Variants in CEP41 observed in about 807,000 individuals in gnomAD.
CEP41 encodes centrosomal protein of 41 kDa.
CEP41 carries 32 observed loss-of-function variants against 44.3 expected under a neutral mutation model. The observed-to-expected ratio is 0.72, with a 90% CI of 0.54 to 0.97. The LOEUF is 0.97. Ranked by LOEUF, CEP41 falls within the 50% of genes least tolerant of loss-of-function variation. The pLI, the probability that CEP41 is intolerant of heterozygous loss-of-function variation, is 0.00. For missense variants in CEP41, 432 were observed against 455.2 expected (o/e 0.95, Z 0.46); for synonymous variants, 151 against 168.5 (o/e 0.90, Z 0.80).
chr7:130,396,011 C>T lies in CEP41; in HGVS notation c.*2880G>A. ...TTTTGTTTTCAAATAAGTAATGTAG[C>T]TTTCTCCTTTCTCTCTCGCTTTCTG... is the stretch of plus-strand genomic sequence containing the variant. On this transcript the variant is annotated 3_prime_UTR_variant, in exon 11 of 11. Transcript: ENST00000223208. 1 of 453,786 alleles carries T rather than the reference C, an allele frequency of 2.2e-6. No homozygotes were observed. Among genetic ancestry groups the T allele is most frequent in the South Asian group, 1.6e-5 (1 of 64,452 alleles). The allele number at this position is 453,786 out of a possible 1,614,324, so 28.1% of individuals were successfully genotyped here. A position where few individuals can be genotyped will look rare whatever the true frequency, so the allele number is the denominator to read the frequency against.
chr7:130,404,504 T>C lies in CEP41; in HGVS notation c.422+60A>G, dbSNP rs1165383866. On this transcript the variant is annotated intron_variant, in intron 6 of 10. Transcript: ENST00000223208. ...CAAGAAAAAAAAAAGATCCCTGAAA[T>C]TGGCGTCTAGATTAATATAAAGGCA... 10 of 1,399,404 alleles carry C rather than the reference T, an allele frequency of 7.1e-6. No homozygotes were observed. The African/African-American group carries it at 9.9e-5, about 14-fold the overall frequency. The allele number at this position is 1,399,404 out of a possible 1,614,324, so 86.7% of individuals were successfully genotyped here.
intron 1 of CEP41, among the ~76,000 whole-genome samples, chr7:130,436,276 A>C (rs1217590960): frequency 6.6e-6 from 1 of 151,728 alleles, no homozygotes; most frequent in African/African-American, 2.4e-5. Context: ...CAAGGACATT[A>C]TCTTGAGTGA....
chr7:130,440,792 C>CCCCTGCATCCCGA (rs1192759261), intron 1 of CEP41, 142 bp downstream of exon 1: 1 of 679,688 alleles, frequency 1.5e-6, no homozygotes. Context: ...GCCCGCCCCG[C>CCCCTGCATCCCGA]CCCTGCATCC....
rs1554419950 is a variant in CEP41 at position 130,412,266 on chromosome 7, TTATC to T, written c.146-30_146-27del. 4.1e-6 allele frequency: 5 copies of T among 1,222,240 alleles called. No individual in the cohort carries two copies. In the South Asian group the frequency reaches 6.1e-5, roughly 15 times the overall value. The allele number at this position is 1,222,240 out of a possible 1,614,324, so 75.7% of individuals were successfully genotyped here. A position where few individuals can be genotyped will look rare whatever the true frequency, so the allele number is the denominator to read the frequency against. The stretch of plus-strand genomic sequence containing the variant: ...CTGAAAAATATGGTAAGACAAGTAT[TTATC>T]TATTTTGCTTTTTTAGAGCTATTCT... On this transcript the variant is annotated intron_variant, in intron 3 of 10. Transcript: ENST00000223208.
At chr7:130,421,643 A>G (rs1584893921) in intron 2 of CEP41, 1 of 1,042,494 alleles carries the variant, frequency 9.6e-7, no homozygotes, top group African/African-American at 1.7e-5. Context: ...TCTAGAGATA[A>G]TAAAAGGAAG....
At chr7:130,400,013 T>C (rs782247765) in intron 10 of CEP41, 26 bp downstream of exon 10, 24 of 1,464,436 alleles carry the variant, frequency 1.6e-5, no homozygotes, top group Non-Finnish European at 1.8e-5. Context: ...AACCAAACAT[T>C]ATCTTTAAAG....
intron 1 of CEP41, among the ~76,000 whole-genome samples, chr7:130,440,348 C>A (rs1467780372): frequency 6.6e-6 from 1 of 152,142 alleles, no homozygotes; most frequent in African/African-American, 2.4e-5. Flanking sequence ...AGGGCAGAGG[C>A]CTTGTCTTCT....
chr7:130,411,811 A>G (rs1201761118), intron 4 of CEP41, among the ~76,000 whole-genome samples: 1 of 152,210 alleles, frequency 6.6e-6, no homozygotes, highest in Non-Finnish European at 1.5e-5. Context: ...GGAAAAGATC[A>G]GTCCAAGAAA....
In CEP41 at chr7:130,394,179, CAT is replaced by C. The variant is rs1269096217; in HGVS notation, c.*4710_*4711del. On this transcript the variant is annotated 3_prime_UTR_variant, in exon 11 of 11. Coordinates refer to ENST00000223208, the MANE Select transcript of CEP41 (RefSeq NM_018718.3). ...GGTTGTGCCCACCCAGAGTGAGAAG[CAT>C]AGAGCGGAGTGGCTGAAAGAACACC... 3 of 453,938 alleles carry C rather than the reference CAT, an allele frequency of 6.6e-6. No individual in the cohort carries two copies. The highest frequency in any genetic ancestry group is 6.0e-5 in the African/African-American group (3 of 49,984). 28.1% of individuals were successfully genotyped at this position (453,938 alleles called of 1,614,324 possible).
At chr7:130,400,558 T>G in intron 9 of CEP41, 149 bp downstream of exon 9, 2 of 693,904 alleles carry the variant, frequency 2.9e-6, no homozygotes, top group East Asian at 5.4e-5. Flanking sequence ...TAAGGGAAGT[T>G]TCACATAACT....
intron 3 of CEP41, among the ~76,000 whole-genome samples, chr7:130,414,844 G>A (rs190085158): frequency 6.6e-6 from 1 of 152,382 alleles, no homozygotes; most frequent in Admixed American, 6.5e-5. Flanking sequence ...AGAGCTTTAA[G>A]AATGGAGCTT....
intron 5 of CEP41, among the ~76,000 whole-genome samples, chr7:130,408,320 C>T (rs797023889): frequency 2.0e-5 from 3 of 152,170 alleles, no homozygotes; most frequent in African/African-American, 7.2e-5. Flanking sequence ...GATTTTTTCT[C>T]ATCCATTGTC....
chr7:130,422,806 A>G (rs979521482), intron 2 of CEP41, among the ~76,000 whole-genome samples: 29 of 152,352 alleles, frequency 1.9e-4, no homozygotes, highest in Admixed American at 1.8e-3. Flanking sequence ...TTCTGCTTCC[A>G]GAAAGATGGG....
chr7:130,419,582 A>T (rs183451421), intron 2 of CEP41: 15,482 of 981,572 alleles, frequency 0.016, 138 homozygotes, highest in South Asian at 0.032. Flanking sequence ...AATTTTTTTT[A>T]AAAAAAATTG....
chr7:130,412,018 AACAC>A, intron 4 of CEP41, 157 bp downstream of exon 4: 2 of 677,616 alleles, frequency 3.0e-6, no homozygotes, highest in South Asian at 3.5e-5. Context: ...TCTTCATGTG[AACAC>A]ACACACCACA....
Position 130,420,911 on chromosome 7 carries a change from C to A in CEP41, c.98-3945G>T, listed in dbSNP as rs190404024. On this transcript the variant is annotated intron_variant, in intron 2 of 10. Transcript: ENST00000223208. ...TCCCAATTTGGTCTGAGTTTCTGCA[C>A]ACCTGATTTTCTTTAAACTATGTAC... is the stretch of plus-strand genomic sequence containing the variant. The A allele has an allele frequency of 1.3e-4, 126 of 975,258 alleles. 1 individual carries two copies. The African/African-American group carries it at 2.1e-3, about 16-fold the overall frequency. The allele number at this position is 975,258 out of a possible 1,614,324, so 60.4% of individuals were successfully genotyped here.
chr7:130,419,479 A>G (rs1267631118), intron 2 of CEP41: 1 of 984,818 alleles, frequency 1.0e-6, no homozygotes, highest in African/African-American at 1.7e-5. Context: ...CTACCTTTTA[A>G]AAAGATTGGA....
At chr7:130,424,681 G>A (rs1335397357) in intron 2 of CEP41, among the ~76,000 whole-genome samples, 1 of 152,074 alleles carries the variant, frequency 6.6e-6, no homozygotes, top group Admixed American at 6.5e-5. Context: ...GTCTTGATGT[G>A]AGTCACATCT....
chr7:130,398,621 C>G lies in CEP41; in HGVS notation c.*270G>C, dbSNP rs1415964662. 1.6e-6 allele frequency: 1 copy of G among 633,740 alleles called. No homozygotes were observed. Among genetic ancestry groups the G allele is most frequent in the African/African-American group, 1.8e-5 (1 of 55,726 alleles). 39.3% of individuals were successfully genotyped at this position (633,740 alleles called of 1,614,324 possible). A position where few individuals can be genotyped will look rare whatever the true frequency, so the allele number is the denominator to read the frequency against. On this transcript the variant is annotated 3_prime_UTR_variant, in exon 11 of 11. Coordinates refer to ENST00000223208, the MANE Select transcript of CEP41 (RefSeq NM_018718.3). ...AAAACGTAGATACTTTTTTCCTATA[C>G]AGTTTCACAAGACTTAAATATGCTG...
Sources: gnomAD v4.1 joint callset for allele counts (sites outside exome capture counted in the v4.1 genomes callset) on GRCh38, gnomAD v4.1.1 for gene constraint, MANE v1.5 for transcripts, NCBI Gene and HGNC (gene_info 2026-07-23, HGNC 2026-07-21) for gene names.